Variants in GALNTL6 observed in about 807,000 individuals in gnomAD.
GALNTL6 encodes the protein polypeptide N-acetylgalactosaminyltransferase like 6, also known as polypeptide N-acetylgalactosaminyltransferase-like 6.
Under a neutral mutation model 73.7 loss-of-function variants are expected in GALNTL6, and 46 were observed. The observed-to-expected ratio is 0.62, with a 90% CI of 0.49 to 0.80. The LOEUF (loss-of-function observed/expected upper bound fraction) is 0.80, where lower values mean the gene tolerates loss of function less well. Among genes scored for constraint, GALNTL6 ranks in the 30% least tolerant of loss-of-function variants. GALNTL6 has a pLI of 0.00. For missense variants in GALNTL6, 604 were observed against 755.0 expected (o/e 0.80, Z 2.34); for synonymous variants, 259 against 263.7 (o/e 0.98, Z 0.17).
chr4:171,865,103 G>A (rs568283275), intron 2 of GALNTL6, among the ~76,000 whole-genome samples: 31 of 151,686 alleles, frequency 2.0e-4, no homozygotes, highest in African/African-American at 5.8e-4. Flanking sequence ...CCGAGATCAC[G>A]CCATTGCACT....
chr4:172,320,730 C>T (rs1195884507), intron 4 of GALNTL6, among the ~76,000 whole-genome samples: 1 of 152,032 alleles, frequency 6.6e-6, no homozygotes, highest in Non-Finnish European at 1.5e-5. Flanking sequence ...CTGTTAAAAA[C>T]AAGAAAGCAA....
At chr4:172,493,200 G>A (rs1364147614) in intron 5 of GALNTL6, among the ~76,000 whole-genome samples, 1 of 152,030 alleles carries the variant, frequency 6.6e-6, no homozygotes, top group African/African-American at 2.4e-5. Context: ...AAAATCAAGT[G>A]TTTTTCAACA....
At chr4:172,286,729 G>C (rs1416037543) in intron 3 of GALNTL6, among the ~76,000 whole-genome samples, 1 of 152,144 alleles carries the variant, frequency 6.6e-6, no homozygotes, top group Non-Finnish European at 1.5e-5. Context: ...CACAATATTA[G>C]GTTCTGGAAG....
At chr4:172,459,544 A>C (rs1192827206) in intron 5 of GALNTL6, among the ~76,000 whole-genome samples, 1 of 152,236 alleles carries the variant, frequency 6.6e-6, no homozygotes, top group Non-Finnish European at 1.5e-5. Flanking sequence ...ATGTGCAAAA[A>C]TCACAAGCAT....
chr4:171,833,653 G>T (rs537491583), intron 2 of GALNTL6, among the ~76,000 whole-genome samples: 1 of 151,590 alleles, frequency 6.6e-6, no homozygotes, highest in African/African-American at 2.4e-5. Flanking sequence ...GTTTCTTAGC[G>T]TATTGTCTAA....
intron 2 of GALNTL6, among the ~76,000 whole-genome samples, chr4:172,228,582 G>T (rs1384939497): frequency 6.6e-6 from 1 of 151,920 alleles, no homozygotes; most frequent in African/African-American, 2.4e-5. Flanking sequence ...GTCTTGAAAA[G>T]GCTGTTAGAA....
intron 2 of GALNTL6, among the ~76,000 whole-genome samples, chr4:172,012,953 C>T (rs1468888324): frequency 6.6e-6 from 1 of 152,182 alleles, no homozygotes; most frequent in East Asian, 1.9e-4. Context: ...TGTGTTGTCA[C>T]TCTCCTCACT....
intron 2 of GALNTL6, among the ~76,000 whole-genome samples, chr4:172,218,222 G>C (rs1411490412): frequency 1.3e-5 from 2 of 152,082 alleles, no homozygotes; most frequent in African/African-American, 4.8e-5. Context: ...GTAGACTAAA[G>C]TCCTTAGGAA....
At chr4:172,320,718 C>T (rs933217502) in intron 4 of GALNTL6, among the ~76,000 whole-genome samples, 5 of 152,106 alleles carry the variant, frequency 3.3e-5, no homozygotes, top group African/African-American at 1.2e-4. Flanking sequence ...TATCCCAGGG[C>T]ACTGTTAAAA....
intron 8 of GALNTL6, among the ~76,000 whole-genome samples, chr4:172,919,541 G>A (rs1355019045): frequency 2.0e-5 from 3 of 152,128 alleles, no homozygotes; most frequent in Non-Finnish European, 2.9e-5. Context: ...CCAAGTGAGC[G>A]GCAAAGGAAA....
At chr4:172,153,590 G>A (rs907955001) in intron 2 of GALNTL6, among the ~76,000 whole-genome samples, 2 of 152,084 alleles carry the variant, frequency 1.3e-5, no homozygotes, top group African/African-American at 4.8e-5. Context: ...CTATTATTAA[G>A]ATCTAATTTA....
intron 2 of GALNTL6, among the ~76,000 whole-genome samples, chr4:171,983,783 C>T (rs1372936205): frequency 6.6e-6 from 1 of 152,146 alleles, no homozygotes; most frequent in African/African-American, 2.4e-5. Flanking sequence ...CCCTGGATAG[C>T]TTCTTGGCTG....
intron 2 of GALNTL6, among the ~76,000 whole-genome samples, chr4:171,978,608 G>A (rs1348207148): frequency 6.6e-6 from 1 of 152,118 alleles, no homozygotes; most frequent in Non-Finnish European, 1.5e-5. Flanking sequence ...GTTCACAGTT[G>A]AGTTTCAGCC....
intron 5 of GALNTL6, among the ~76,000 whole-genome samples, chr4:172,401,382 A>G (rs1744031866): frequency 6.6e-6 from 1 of 152,128 alleles, no homozygotes; most frequent in Admixed American, 6.6e-5. Flanking sequence ...GGAGAAAATA[A>G]AGCTAAATTC....
intron 5 of GALNTL6, among the ~76,000 whole-genome samples, chr4:172,573,463 C>T (rs1017890417): frequency 6.6e-6 from 1 of 152,184 alleles, no homozygotes; most frequent in Non-Finnish European, 1.5e-5. Context: ...CTATCAACTA[C>T]AGACAGAAAT....
intron 8 of GALNTL6, among the ~76,000 whole-genome samples, chr4:172,919,953 A>T (rs1173608678): frequency 6.6e-6 from 1 of 152,202 alleles, no homozygotes; most frequent in Non-Finnish European, 1.5e-5. Flanking sequence ...GTTACTGTAG[A>T]AATGAACACT....
chr4:172,125,674 T>C (rs1267196397), intron 2 of GALNTL6, among the ~76,000 whole-genome samples: 1 of 152,192 alleles, frequency 6.6e-6, no homozygotes, highest in Non-Finnish European at 1.5e-5. Flanking sequence ...TCCTCTTTCT[T>C]ACATAACCAG....
At chr4:172,545,585 C>T (rs1735717438) in intron 5 of GALNTL6, 1 of 152,272 alleles carries the variant, frequency 6.6e-6, no homozygotes. Flanking sequence ...CCTTATCCTT[C>T]TGGCACTTAA....
chr4:172,178,434 A>T (rs1459277466), intron 2 of GALNTL6, among the ~76,000 whole-genome samples: 1 of 151,970 alleles, frequency 6.6e-6, no homozygotes, highest in Non-Finnish European at 1.5e-5. Flanking sequence ...CTCAACCCCC[A>T]ACAGGCTGCA....
Sources: gnomAD v4.1 joint callset for allele counts (sites outside exome capture counted in the v4.1 genomes callset) on GRCh38, gnomAD v4.1.1 for gene constraint, MANE v1.5 for transcripts, NCBI Gene and HGNC (gene_info 2026-07-23, HGNC 2026-07-21) for gene names.